Variants in SPRED2 observed in about 807,000 individuals in gnomAD.
SPRED2 encodes sprouty-related, EVH1 domain-containing protein 2.
A neutral mutation model predicts 43.0 loss-of-function variants in SPRED2; 47 were observed. That is an observed-to-expected ratio of 1.09 (90% CI 0.87 to 1.40). SPRED2 has a LOEUF of 1.40. Among genes scored for constraint, SPRED2 ranks in the 40% most tolerant of loss-of-function variants. The pLI is 0.00. For missense variants in SPRED2, 561 were observed against 586.4 expected (o/e 0.96, Z 0.45); for synonymous variants, 225 against 225.7 (o/e 1.00, Z 0.03).
intron 1 of SPRED2, among the ~76,000 whole-genome samples, chr2:65,414,487 C>G (rs909406968): frequency 6.6e-6 from 1 of 151,056 alleles, no homozygotes; most frequent in South Asian, 2.1e-4. Context: ...AAGTACTTGC[C>G]CAAGGGCCTA....
At chr2:65,430,781 G>C (rs1676662845) in intron 1 of SPRED2, among the ~76,000 whole-genome samples, 1 of 152,220 alleles carries the variant, frequency 6.6e-6, no homozygotes, top group African/African-American at 2.4e-5. Context: ...TGAATGAAAG[G>C]AACGGATGCA....
intron 1 of SPRED2, among the ~76,000 whole-genome samples, chr2:65,429,252 T>C (rs1463495428): frequency 6.6e-6 from 1 of 152,230 alleles, no homozygotes; most frequent in Non-Finnish European, 1.5e-5. Flanking sequence ...ACAAAACCTT[T>C]ACTACATGTA....
At chr2:65,334,136 G>A (rs1673893265) in intron 3 of SPRED2, 4 of 469,156 alleles carry the variant, frequency 8.5e-6, no homozygotes, top group South Asian at 4.7e-5. Context: ...GGCCTAAACC[G>A]AACCAGGGCT....
At chr2:65,408,603 T>C (rs1231761406) in intron 1 of SPRED2, among the ~76,000 whole-genome samples, 1 of 152,074 alleles carries the variant, frequency 6.6e-6, no homozygotes, top group African/African-American at 2.4e-5. Context: ...CTTTTTTTTT[T>C]TTTTGAGACG....
intron 2 of SPRED2, among the ~76,000 whole-genome samples, chr2:65,341,321 A>G (rs1454581667): frequency 6.6e-6 from 1 of 150,976 alleles, no homozygotes; most frequent in Non-Finnish European, 1.5e-5. Context: ...GAGTCAAGGA[A>G]TGTAAAGGGG....
downstream of SPRED2, chr2:65,308,609 A>G (rs115169836): frequency 1.6e-3 from 1,550 of 981,760 alleles, 23 homozygotes; most frequent in African/African-American, 0.024. Context: ...AGGAACTAGC[A>G]TTTTTGGGGC....
intron 2 of SPRED2, among the ~76,000 whole-genome samples, chr2:65,337,063 G>C (rs569107549): frequency 2.0e-5 from 3 of 152,148 alleles, no homozygotes; most frequent in Non-Finnish European, 4.4e-5. Context: ...GGCCGAGATC[G>C]TGCCACTGCA....
intron 1 of SPRED2, among the ~76,000 whole-genome samples, chr2:65,384,093 A>G (rs1227370657): frequency 6.9e-6 from 1 of 144,974 alleles, no homozygotes; most frequent in African/African-American, 2.5e-5. Flanking sequence ...GATGTGCAGG[A>G]TCTGCTCAGC....
chr2:65,427,401 T>A (rs1676581890), intron 1 of SPRED2, among the ~76,000 whole-genome samples: 1 of 152,122 alleles, frequency 6.6e-6, no homozygotes, highest in African/African-American at 2.4e-5. Context: ...ACTCCATATT[T>A]TTAACATTTA....
chr2:65,367,324 A>G (rs1675002342), intron 1 of SPRED2, among the ~76,000 whole-genome samples: 1 of 152,220 alleles, frequency 6.6e-6, no homozygotes, highest in African/African-American at 2.4e-5. Context: ...TGAATATTTT[A>G]GCAAAAAATA....
At chr2:65,386,285 CA>C (rs761665293) in intron 1 of SPRED2, among the ~76,000 whole-genome samples, 3 of 55,488 alleles carry the variant, frequency 5.4e-5, no homozygotes, top group African/African-American at 2.8e-4. Context: ...GACTCTGTCT[CA>C]AAAAAAAAAA....
intron 1 of SPRED2, among the ~76,000 whole-genome samples, chr2:65,426,686 G>T (rs1676565926): frequency 6.6e-6 from 1 of 152,230 alleles, no homozygotes; most frequent in Non-Finnish European, 1.5e-5. Flanking sequence ...ATGGCTCAGA[G>T]ATGGCTGGGG....
At chr2:65,365,140 G>A (rs1041084699) in intron 1 of SPRED2, among the ~76,000 whole-genome samples, 1 of 152,094 alleles carries the variant, frequency 6.6e-6, no homozygotes, top group Admixed American at 6.5e-5. Flanking sequence ...CTACAGATGT[G>A]GGCATGAAAA....
chr2:65,339,081 C>T (rs1572851328), intron 2 of SPRED2, among the ~76,000 whole-genome samples: 1 of 120,904 alleles, frequency 8.3e-6, no homozygotes, highest in African/African-American at 3.3e-5. Flanking sequence ...CCAGCCGCTC[C>T]GTCCGGGAGG....
chr2:65,327,088 G>T (rs1055140862), intron 4 of SPRED2, among the ~76,000 whole-genome samples: 11 of 152,108 alleles, frequency 7.2e-5, no homozygotes, highest in Admixed American at 6.6e-4. Flanking sequence ...CTGGCCTCAA[G>T]CAATCCTCCT....
At chr2:65,348,023 T>G (rs1674402704) in intron 1 of SPRED2, among the ~76,000 whole-genome samples, 1 of 151,974 alleles carries the variant, frequency 6.6e-6, no homozygotes, top group Non-Finnish European at 1.5e-5. Flanking sequence ...AAACAAACCC[T>G]CCAGTGGTAT....
At chr2:65,378,997 C>A (rs1193289871) in intron 1 of SPRED2, among the ~76,000 whole-genome samples, 1 of 152,072 alleles carries the variant, frequency 6.6e-6, no homozygotes, top group East Asian at 1.9e-4. Context: ...TTCCTGGGAC[C>A]CCCTTGGCCT....
intron 1 of SPRED2, among the ~76,000 whole-genome samples, chr2:65,363,564 T>G (rs959486295): frequency 1.3e-5 from 2 of 152,212 alleles, no homozygotes; most frequent in Non-Finnish European, 2.9e-5. Context: ...CCACCCAGTA[T>G]GGCAGAATGA....
chr2:65,313,873 G>GAT lies in SPRED2; in HGVS notation c.884_885insAT (p.Lys296SerfsTer39). 1 of 1,610,556 alleles carries GAT rather than the reference G, an allele frequency of 6.2e-7. No individual in the cohort carries two copies. Among genetic ancestry groups the GAT allele is most frequent in the Non-Finnish European group, 8.5e-7 (1 of 1,179,840 alleles). ...CGTCCTCCTTCCGCCGCCGCGACTTGCCCCGGGAGGGCTGCGTCTTGATCA... is the reference window on the plus strand; with the variant it reads ...CGTCCTCCTTCCGCCGCCGCGACTTGATCCCCGGGAGGGCTGCGTCTTGATCA... On this transcript the variant is annotated frameshift_variant, in exon 6 of 6. Transcript: ENST00000356388. LOFTEE classifies it high-confidence loss of function.
Sources: gnomAD v4.1 joint callset for allele counts (sites outside exome capture counted in the v4.1 genomes callset) on GRCh38, gnomAD v4.1.1 for gene constraint, MANE v1.5 for transcripts, NCBI Gene and HGNC (gene_info 2026-07-23, HGNC 2026-07-21) for gene names.